Variants in NRG1 observed in about 807,000 individuals in gnomAD.
The protein encoded by NRG1 is neuregulin 1.
A neutral mutation model predicts 63.8 loss-of-function variants in NRG1; 18 were observed. That is an observed-to-expected ratio of 0.28 (90% confidence interval 0.19 to 0.42). NRG1 has a LOEUF of 0.42. NRG1 is among the 10% of genes least tolerant of loss of function. NRG1 has a pLI of 1.00. For missense variants in NRG1, 762 were observed against 814.7 expected, an observed-to-expected ratio of 0.94 and a Z score of 0.79; for synonymous variants, 302 against 301.3, an observed-to-expected ratio of 1.00 and a Z score of -0.02.
chr8:31,978,669 A>G (rs1808586851), intron 1 of NRG1, among the ~76,000 whole-genome samples: 1 of 152,044 alleles, frequency 6.6e-6, no homozygotes, highest in Admixed American at 6.6e-5. Context: ...CCTCAATCTA[A>G]AAATAAGGGA....
Position 31,777,766 on chromosome 8 carries a change from C to T in NRG1, c.37+138335C>T, listed in dbSNP as rs534069659. Among the ~76,000 whole-genome samples the T allele has an allele frequency of 2.2e-4, 33 of 152,060 alleles. No individual in the cohort carries two copies. In the South Asian group the frequency reaches 6.6e-3, roughly 31 times the overall value. On this transcript the variant is annotated intron_variant, in intron 1 of 10. Coordinates refer to the NRG1 transcript ENST00000519301. ...TGGTGAAACAGGAAGGAAGACAGAG[C>T]GGGGGAGATGCCAGGCTCTTTTTAA...
chr8:32,076,547 A>C (rs985325556), intron 1 of NRG1, among the ~76,000 whole-genome samples: 14 of 152,094 alleles, frequency 9.2e-5, no homozygotes, highest in African/African-American at 3.4e-4. Flanking sequence ...ACTGTGGAAC[A>C]GCACACACTG....
intron 1 of NRG1, among the ~76,000 whole-genome samples, chr8:32,061,985 A>C (rs539706625): frequency 1.3e-5 from 2 of 152,070 alleles, no homozygotes; most frequent in Admixed American, 6.6e-5. Flanking sequence ...CAGGACAGAC[A>C]TACAAGTACC....
chr8:31,756,412 A>G (rs934365222), intron 1 of NRG1, among the ~76,000 whole-genome samples: 1 of 152,100 alleles, frequency 6.6e-6, no homozygotes, highest in African/African-American at 2.4e-5. Flanking sequence ...CAGAGAAGTC[A>G]GTGAAGTCAA....
intron 1 of NRG1, among the ~76,000 whole-genome samples, chr8:31,790,473 A>G (rs566350902): frequency 6.6e-6 from 1 of 152,320 alleles, no homozygotes; most frequent in East Asian, 1.9e-4. Context: ...ATGCAGATTT[A>G]CCTACATAAT....
chr8:32,760,693 C>T lies in NRG1; in HGVS notation c.1259+287C>T, dbSNP rs935310396. On this transcript the variant is annotated intron_variant, in intron 11 of 11. Transcript: ENST00000356819. ...TGGAGTTTCCAGCTCTGGCCATGGG[C>T]TCAGACCCACTCGGGGTCTCAGTGT... The T allele has an allele frequency of 2.7e-5, 32 of 1,193,640 alleles. No homozygotes were observed. In the African/African-American group the frequency reaches 4.3e-4, roughly 16 times the overall value. The allele number at this position is 1,193,640 out of a possible 1,614,324, so 73.9% of individuals were successfully genotyped here.
intron 1 of NRG1, among the ~76,000 whole-genome samples, chr8:32,272,724 C>T (rs1397236508): frequency 6.6e-6 from 1 of 152,018 alleles, no homozygotes. Flanking sequence ...CCTCTGTGTC[C>T]CAGGGGCCTA....
intron 1 of NRG1, among the ~76,000 whole-genome samples, chr8:32,206,698 G>GTGA (rs777416621): frequency 1.2e-4 from 18 of 152,152 alleles, no homozygotes; most frequent in Non-Finnish European, 2.1e-4. Flanking sequence ...TGGATGTATT[G>GTGA]TGTAATGGTG....
intron 1 of NRG1, among the ~76,000 whole-genome samples, chr8:32,000,847 T>C (rs1399143475): frequency 6.6e-6 from 1 of 152,038 alleles, no homozygotes; most frequent in Non-Finnish European, 1.5e-5. Flanking sequence ...TAAAACTTCA[T>C]TTTTGTTTTG....
intron 7 of NRG1, chr8:32,749,395 C>T (rs373234525): frequency 9.7e-6 from 7 of 718,616 alleles, no homozygotes; most frequent in African/African-American, 1.8e-5. Flanking sequence ...CTCACAGAGG[C>T]GTACCTGAGC....
At chr8:32,759,159 G>A in intron 9 of NRG1, 147 bp from the exon 10 acceptor site, 7 of 921,290 alleles carry the variant, frequency 7.6e-6, no homozygotes, top group Non-Finnish European at 1.1e-5. Flanking sequence ...GGCCATTGGG[G>A]AAATGGAATT....
At chr8:32,349,769 C>G (rs1805358384) in intron 1 of NRG1, among the ~76,000 whole-genome samples, 1 of 152,176 alleles carries the variant, frequency 6.6e-6, no homozygotes, top group Non-Finnish European at 1.5e-5. Context: ...CCCTAACTGA[C>G]TCTATGGTAG....
At chr8:32,516,605 C>T (rs1829847507) in intron 1 of NRG1, among the ~76,000 whole-genome samples, 1 of 152,052 alleles carries the variant, frequency 6.6e-6, no homozygotes, top group Non-Finnish European at 1.5e-5. Context: ...TTGTTTCTTT[C>T]AGCAATGTTT....
At chr8:32,234,388 CACA>C (rs1586271120) in intron 1 of NRG1, among the ~76,000 whole-genome samples, 1 of 152,196 alleles carries the variant, frequency 6.6e-6, no homozygotes, top group African/African-American at 2.4e-5. Context: ...ATTTAACCTT[CACA>C]ACAATTCCAT....
At chr8:32,173,966 A>T (rs1039946985) in intron 1 of NRG1, among the ~76,000 whole-genome samples, 1 of 152,196 alleles carries the variant, frequency 6.6e-6, no homozygotes, top group African/African-American at 2.4e-5. Flanking sequence ...GCAGGCATTG[A>T]ACTCAGCTCT....
intron 1 of NRG1, among the ~76,000 whole-genome samples, chr8:31,656,101 C>T (rs1178794045): frequency 1.3e-5 from 2 of 152,046 alleles, no homozygotes; most frequent in Non-Finnish European, 2.9e-5. Context: ...ACATTTCTAG[C>T]TCCATGAAGT....
chr8:32,025,565 T>C (rs1817123729), intron 1 of NRG1, among the ~76,000 whole-genome samples: 1 of 152,210 alleles, frequency 6.6e-6, no homozygotes, highest in Non-Finnish European at 1.5e-5. Context: ...AGACGTATCT[T>C]TTTCTAAAAG....
intron 1 of NRG1, among the ~76,000 whole-genome samples, chr8:32,312,303 A>G (rs923779648): frequency 6.9e-6 from 1 of 144,954 alleles, no homozygotes; most frequent in East Asian, 2.0e-4. Flanking sequence ...AGCTGGGACT[A>G]CAGGCGCAAG....
At chr8:32,123,504 C>G (rs1039605449) in intron 1 of NRG1, among the ~76,000 whole-genome samples, 3 of 151,490 alleles carry the variant, frequency 2.0e-5, no homozygotes, top group African/African-American at 4.8e-5. Flanking sequence ...TATAAATTAC[C>G]CAGTCTTGGG....
Sources: gnomAD v4.1 joint callset for allele counts (sites outside exome capture counted in the v4.1 genomes callset) on GRCh38, gnomAD v4.1.1 for gene constraint, MANE v1.5 for transcripts, NCBI Gene and HGNC (gene_info 2026-07-23, HGNC 2026-07-21) for gene names.